CPSF1: variants seen among roughly 807,000 people sequenced by gnomAD.
The protein encoded by CPSF1 is cleavage and polyadenylation specific factor 1, also known as cleavage and polyadenylation specificity factor subunit 1.
In CPSF1, 106 loss-of-function variants were observed where a neutral mutation model predicts 175.8. The ratio of observed to expected loss-of-function variants is 0.60; its 90% CI spans 0.52 to 0.71. The LOEUF is 0.71. CPSF1 is among the 30% of genes least tolerant of loss of function. The probability of loss-of-function intolerance (pLI) is 0.00; values close to 1 mark genes in which losing one functional copy is unlikely to be tolerated. For synonymous variants in CPSF1, 1,024 were observed against 858.3 expected, an observed-to-expected ratio of 1.19 and a Z score of -3.37; for missense variants, 1,734 against 2,022.9, an observed-to-expected ratio of 0.86 and a Z score of 2.74.
Position 144,394,154 on chromosome 8 carries a change from T to C in CPSF1, c.3818A>G (p.Asp1273Gly), listed in dbSNP as rs1554862610. 2 of 1,612,648 alleles carry C rather than the reference T, an allele frequency of 1.2e-6. No individual in the cohort carries two copies. The highest frequency in any genetic ancestry group is 2.2e-5 in the South Asian group (2 of 91,054). Residue 1273 changes from aspartate (D) to glycine (G), a missense_variant, in exon 34 of 38, where the codon GAC becomes GGC. Coordinates refer to ENST00000616140, the MANE Select transcript of CPSF1 (RefSeq NM_013291.3). ...DNAQLGFLVS[D>G]RDRNLMVYMY... is the part of the protein sequence containing the mutation. The stretch of plus-strand genomic sequence containing the variant: ...GTACACCATGAGGTTGCGGTCGCGG[T>C]CAGACACTGGGGAGCAGAGGCCCAG...
At chr8:144,400,135 G>GGGGGGGGGGCCCCCCCCCCCCCCCC in intron 9 of CPSF1, 31 bp downstream of exon 9, 1 of 896,006 alleles carries the variant, frequency 1.1e-6, no homozygotes, top group Non-Finnish European at 1.6e-6. Context: ...CCGTCCCCGG[G>GGGGGGGGGGCCCCCCCCCCCCCCCC]CCCCCCCCGC....
At chr8:144,407,625 C>A (rs1420598683) in intron 2 of CPSF1, among the ~76,000 whole-genome samples, 1 of 152,016 alleles carries the variant, frequency 6.6e-6, no homozygotes, top group Non-Finnish European at 1.5e-5. Context: ...CCTGAACCCA[C>A]GAGGCGGAGG....
At position 144,393,654 on chromosome 8, in the gene CPSF1, G is replaced by T. The variant is rs782653239; in HGVS notation, c.4145+13C>A. The T allele has an allele frequency of 1.3e-6, 2 of 1,568,484 alleles. No individual in the cohort carries two copies. Among genetic ancestry groups the T allele is most frequent in the South Asian group, 1.2e-5 (1 of 86,368 alleles). ...TGGAGGGGGTGCTGCACGGGGGCGGGGCCGGGGCTCACCGGAAGGCGCGGG... is the reference window on the plus strand; with the variant it reads ...TGGAGGGGGTGCTGCACGGGGGCGGTGCCGGGGCTCACCGGAAGGCGCGGG... On this transcript the variant is annotated intron_variant, in intron 36 of 37. Transcript: ENST00000616140.
rs1554862828 is a variant in CPSF1 at position 144,394,557 on chromosome 8, T to TGGGGGC, written c.3568-8_3568-3dup. ...GGCCCGCAGGCTCCACAGGAAAATCTGGGGGCGAGGGCGAGGGTGAGCGGG... is the reference window on the plus strand; with the variant it reads ...GGCCCGCAGGCTCCACAGGAAAATCTGGGGGCGGGGGCGAGGGCGAGGGTGAGCGGG... On this transcript the variant is annotated splice_polypyrimidine_tract_variant and splice_region_variant and intron_variant, in intron 31 of 37. Coordinates refer to ENST00000616140, the MANE Select transcript of CPSF1 (RefSeq NM_013291.3). 2.5e-6 allele frequency: 4 copies of TGGGGGC among 1,608,560 alleles called. No individual in the cohort carries two copies. The highest frequency in any genetic ancestry group is 2.2e-5 in the East Asian group (1 of 44,690).
rs1298164161 is a variant in CPSF1 at position 144,398,855 on chromosome 8, G to C, written c.1562C>G (p.Pro521Arg). Residue 521 changes from proline (P) to arginine (R), a missense_variant, in exon 17 of 38, where the codon CCC becomes CGC. Around this residue, in one of 10 missense-constraint regions of CPSF1, gnomAD observed 280 missense variants for 349.2 expected, o/e 0.80. Coordinates refer to ENST00000616140, the MANE Select transcript of CPSF1 (RefSeq NM_013291.3). ...ALSVLQKSIR[P>R]QVVTTFELPG... is the part of the protein sequence containing the mutation. ...AAGCTCAAAGGTTGTCACCACCTGGGGCCGGATGCTCTTCTAGAATGATGA... is the reference window on the plus strand; with the variant it reads ...AAGCTCAAAGGTTGTCACCACCTGGCGCCGGATGCTCTTCTAGAATGATGA... The C allele has an allele frequency of 6.2e-7, 1 of 1,610,036 alleles. No individual in the cohort carries two copies. The highest frequency in any genetic ancestry group is 1.3e-5 in the African/African-American group (1 of 74,846).
Position 144,397,411 on chromosome 8 carries a change from G to T in CPSF1, c.2388C>A (p.Ile796=). 2 of 1,575,036 alleles carry T rather than the reference G, an allele frequency of 1.3e-6. No individual in the cohort carries two copies. The highest frequency in any genetic ancestry group is 1.7e-6 in the Non-Finnish European group (2 of 1,160,126). The change falls in exon 23 of 38, where the codon ATC becomes ATA. Residue 796 remains isoleucine, a splice_region_variant and synonymous_variant. Coordinates refer to ENST00000616140, the MANE Select transcript of CPSF1 (RefSeq NM_013291.3). The part of the protein sequence containing the change: ...LLVRENGTME[I]YQLPDWRLVF... ...CCAGCCGCCAGTCGGGAAGCTGGTA[G>T]ATCTGCAGGGTGGGCAGCAGTCAGT...
Position 144,399,763 on chromosome 8 carries a change from C to A in CPSF1, c.1119+18G>T. Reference sequence around the variant, plus strand: ...GGGCCGGGTCTGGACCCAGACCCAACCCCTAGTCCCAACTCACGCTGGTGG... The same window carrying A: ...GGGCCGGGTCTGGACCCAGACCCAAACCCTAGTCCCAACTCACGCTGGTGG... On this transcript the variant is annotated intron_variant, in intron 11 of 37. Transcript: ENST00000616140. The surrounding 1 kb of genome is among the most constrained non-coding windows in gnomAD (Gnocchi z 6.4). 1.3e-6 allele frequency: 2 copies of A among 1,587,796 alleles called. No individual in the cohort carries two copies. The highest frequency in any genetic ancestry group is 1.7e-6 in the Non-Finnish European group (2 of 1,167,552).
Position 144,393,545 on chromosome 8 carries a change from G to C in CPSF1, c.4191C>G (p.Asn1397Lys). ...DRRTLQNAVRNVLDGELLNRY... is the reference protein window; with the variant it reads ...DRRTLQNAVRKVLDGELLNRY... Reference sequence around the variant, plus strand: ...GGTTGAGCAGCTCCCCATCCAGCACGTTGCGCACGGCATTCTGGAGGGTGC... The same window carrying C: ...GGTTGAGCAGCTCCCCATCCAGCACCTTGCGCACGGCATTCTGGAGGGTGC... Residue 1397 changes from asparagine (N) to lysine (K), a missense_variant, in exon 37 of 38, where the codon AAC (asparagine) becomes AAG (lysine). Around this residue, in one of 10 missense-constraint regions of CPSF1, gnomAD observed 323 missense variants for 338.5 expected, o/e 0.95. Transcript: ENST00000616140. 6.2e-7 allele frequency: 1 copy of C among 1,602,728 alleles called. No individual in the cohort carries two copies. Among genetic ancestry groups the C allele is most frequent in the Non-Finnish European group, 8.5e-7 (1 of 1,176,520 alleles).
intron 36 of CPSF1, 33 bp downstream of exon 36, chr8:144,393,634 G>C (rs782349025): frequency 6.3e-7 from 1 of 1,586,486 alleles, no homozygotes; most frequent in East Asian, 2.3e-5. Flanking sequence ...TGGGGTGGAG[G>C]GGGTGCTGCA....
At position 144,398,050 on chromosome 8, in the gene CPSF1, CATG is replaced by C. The variant is rs1554864731; in HGVS notation, c.1974_1976del (p.Ile658del). Reference sequence around the variant, plus strand: ...ACATGGTGACGTGGCCCTCGGCACTCATGATGACCACATAGGGGTCGGCCACGG... The same window carrying C: ...ACATGGTGACGTGGCCCTCGGCACTCATGACCACATAGGGGTCGGCCACGG... On this transcript the variant is annotated inframe_deletion, in exon 20 of 38. Coordinates refer to ENST00000616140, the MANE Select transcript of CPSF1 (RefSeq NM_013291.3). 1.5e-5 allele frequency: 24 copies of C among 1,612,412 alleles called. No homozygotes were observed. The highest frequency in any genetic ancestry group is 2.0e-5 in the Non-Finnish European group (24 of 1,179,786).
Position 144,394,749 on chromosome 8 carries a change from G to C in CPSF1, c.3462C>G (p.Pro1154=). ...VIEVVPEPGQ[P]LTKNKFKVLY... is the part of the protein sequence containing the mutation. The stretch of plus-strand genomic sequence containing the variant: ...GGACTTTGAACTTGTTCTTGGTCAA[G>C]GGCTGGCCAGGCTCGGGCACCACCT... The change falls in exon 31 of 38, where the codon CCC becomes CCG. Residue 1154 remains proline (P), a synonymous_variant. Coordinates refer to ENST00000616140, the MANE Select transcript of CPSF1 (RefSeq NM_013291.3). 1 of 1,613,654 alleles carries C rather than the reference G, an allele frequency of 6.2e-7. No homozygotes were observed. Among genetic ancestry groups the C allele is most frequent in the Non-Finnish European group, 8.5e-7 (1 of 1,179,972 alleles).
intron 2 of CPSF1, among the ~76,000 whole-genome samples, chr8:144,402,359 G>A (rs1236220818): frequency 6.6e-6 from 1 of 152,154 alleles, no homozygotes; most frequent in Non-Finnish European, 1.5e-5. Flanking sequence ...CCAGGCTGAA[G>A]TGCAGTGGCG....
intron 26 of CPSF1, 76 bp from the exon 27 acceptor site, chr8:144,395,627 G>A (rs1554863487): frequency 7.9e-7 from 1 of 1,266,156 alleles, no homozygotes; most frequent in African/African-American, 1.5e-5. Context: ...GCCGCCAAGA[G>A]CCCTGGGATG....
chr8:144,396,674 C>T lies in CPSF1; in HGVS notation c.2750G>A (p.Gly917Asp). Residue 917 changes from glycine to aspartate, a missense_variant, in exon 25 of 38, where the codon GGC (glycine) becomes GAC (aspartate). Gly to Asp is a moderately conservative substitution (Grantham distance 94). Transcript: ENST00000616140. ...KPSKKKAEGG[G>D]AEEGAGARGR... ...CCGGGCCCCAGCCCCCTCCTCTGCG[C>T]CGCCACCTTCTGCTTTCTTCTTGGA... 1 of 1,613,916 alleles carries T rather than the reference C, an allele frequency of 6.2e-7. No individual in the cohort carries two copies.
rs192929972 is a variant in CPSF1 at position 144,408,344 on chromosome 8, C to T, written c.144+671G>A. On this transcript the variant is annotated intron_variant, in intron 2 of 37. Transcript: ENST00000616140. Reference sequence around the variant, plus strand: ...TGGGCCTGGGTAAGAGGTACTCCTCCCTTCAAGAGCAATGGAGAAACTGCC... The same window carrying T: ...TGGGCCTGGGTAAGAGGTACTCCTCTCTTCAAGAGCAATGGAGAAACTGCC... Among the ~76,000 whole-genome samples, 22 of 152,310 alleles carry T rather than the reference C, an allele frequency of 1.4e-4. No homozygotes were observed. In the East Asian group the frequency reaches 3.9e-3, roughly 27 times the overall value.
chr8:144,397,050 G>C, intron 23 of CPSF1, 121 bp from the exon 24 acceptor site: 1 of 902,566 alleles, frequency 1.1e-6, no homozygotes, highest in Non-Finnish European at 1.7e-6. Flanking sequence ...GCCATGTATG[G>C]GAAGGGGCGG....
Position 144,393,993 on chromosome 8 carries a change from A to C in CPSF1, c.3905T>G (p.Phe1302Cys). ...GGMRLLRRADFHVGAHVNTFW... is the reference protein window; with the variant it reads ...GGMRLLRRADCHVGAHVNTFW... Reference sequence around the variant, plus strand: ...CGTGTTCACGTGGGCACCCACGTGGAAGTCTGCCCGACGCAGCAGGCGCAT... The same window carrying C: ...CGTGTTCACGTGGGCACCCACGTGGCAGTCTGCCCGACGCAGCAGGCGCAT... The change falls in exon 35 of 38, where the codon TTC (phenylalanine) becomes TGC (cysteine). Residue 1302 changes from phenylalanine (F) to cysteine (C), a missense_variant. Physicochemically the swap from Phe to Cys is radical, Grantham distance 205. Coordinates refer to ENST00000616140, the MANE Select transcript of CPSF1 (RefSeq NM_013291.3). The C allele has an allele frequency of 6.2e-7, 1 of 1,613,336 alleles. No homozygotes were observed. Among genetic ancestry groups the C allele is most frequent in the Non-Finnish European group, 8.5e-7 (1 of 1,179,730 alleles).
intron 1 of CPSF1, 29 bp downstream of exon 1, chr8:144,409,260 C>T (rs531086706): frequency 1.8e-6 from 2 of 1,101,194 alleles, no homozygotes; most frequent in Non-Finnish European, 2.3e-6. Flanking sequence ...CCTCGCGCTG[C>T]CGCCTCGGCC....
intron 26 of CPSF1, chr8:144,395,804 G>A: frequency 1.7e-6 from 1 of 575,920 alleles, no homozygotes; most frequent in Non-Finnish European, 3.1e-6. Context: ...AGGCCAGGAG[G>A]GCACTGGAGG....
Sources: allele counts gnomAD v4.1 joint callset (sites outside exome capture counted in the v4.1 genomes callset), GRCh38; gene constraint gnomAD v4.1.1; regional missense constraint gnomAD v4.1.1; non-coding constraint Gnocchi (gnomAD v3.1); transcripts MANE v1.5; gene names NCBI Gene and HGNC (gene_info 2026-07-23, HGNC 2026-07-21).